ITGBL1: variants seen among roughly 807,000 people sequenced by gnomAD.
ITGBL1 encodes integrin beta-like protein 1.
Under a neutral mutation model 68.5 loss-of-function variants are expected in ITGBL1, and 51 were observed. The observed-to-expected ratio is 0.74, with a 90% CI of 0.59 to 0.94. ITGBL1 has a LOEUF of 0.94. Ranked by LOEUF, ITGBL1 falls within the 40% of genes least tolerant of loss-of-function variation. The probability of loss-of-function intolerance (pLI) is 0.00; values close to 1 mark genes in which losing one functional copy is unlikely to be tolerated. For synonymous variants in ITGBL1, 209 were observed against 227.3 expected, an observed-to-expected ratio of 0.92 and a Z score of 0.72; for missense variants, 649 against 647.4, an observed-to-expected ratio of 1.00 and a Z score of -0.03.
Position 101,570,254 on chromosome 13 carries a change from A to G in ITGBL1, c.463+2409A>G, listed in dbSNP as rs991432954. Among the ~76,000 whole-genome samples the G allele has an allele frequency of 6.6e-5, 10 of 152,180 alleles. 1 individual carries two copies. Among genetic ancestry groups the G allele is most frequent in the South Asian group, 4.1e-4 (2 of 4,836 alleles). Reference sequence around the variant, plus strand: ...GTGCACAGAGTTTTCCAGATTAGGTATTAAAGCCCATCAGGCTAGCTTTTG... The same window carrying G: ...GTGCACAGAGTTTTCCAGATTAGGTGTTAAAGCCCATCAGGCTAGCTTTTG... On this transcript the variant is annotated intron_variant, in intron 3 of 10. Transcript: ENST00000376180.
intron 2 of ITGBL1, among the ~76,000 whole-genome samples, chr13:101,538,501 G>A (rs947546337): frequency 4.6e-5 from 7 of 152,080 alleles, no homozygotes; most frequent in Admixed American, 3.9e-4. Context: ...AGAACTATAA[G>A]GCCATATCTA....
At chr13:101,705,519 G>A (rs1000584054) in intron 8 of ITGBL1, among the ~76,000 whole-genome samples, 1 of 151,474 alleles carries the variant, frequency 6.6e-6, no homozygotes, top group Admixed American at 6.6e-5. Context: ...GTCTGCACAC[G>A]TTCATGCTCT....
At chr13:101,515,980 C>T (rs1362034055) in intron 2 of ITGBL1, among the ~76,000 whole-genome samples, 5 of 152,058 alleles carry the variant, frequency 3.3e-5, no homozygotes, top group African/African-American at 7.2e-5. Context: ...ATTATACACC[C>T]ACACCTAGAT....
chr13:101,510,992 C>G (rs56066406), intron 2 of ITGBL1, among the ~76,000 whole-genome samples: 16,115 of 151,862 alleles, frequency 0.11, 1,499 homozygotes, highest in African/African-American at 0.25. Context: ...AGAAGAAGCT[C>G]TTTAGTTTAA....
At chr13:101,489,894 G>T in intron 2 of ITGBL1, 3 of 1,019,088 alleles carry the variant, frequency 2.9e-6, no homozygotes, top group Non-Finnish European at 4.4e-6. Context: ...GTGGACTAAA[G>T]GTTAGTGTGA....
At chr13:101,693,624 G>GTCTGTCTATCTATCTA (rs71780453) in intron 8 of ITGBL1, among the ~76,000 whole-genome samples, 281 of 146,178 alleles carry the variant, frequency 1.9e-3, no homozygotes, top group Non-Finnish European at 2.4e-3. Flanking sequence ...CTGTCTGTCT[G>GTCTGTCTATCTATCTA]TCTATCTATC....
intron 7 of ITGBL1, among the ~76,000 whole-genome samples, chr13:101,645,788 G>C (rs1489764378): frequency 1.3e-5 from 2 of 152,232 alleles, no homozygotes; most frequent in Non-Finnish European, 2.9e-5. Context: ...ACGTGGGTAA[G>C]GAGACTGAGT....
At chr13:101,533,088 T>C (rs745962487) in intron 2 of ITGBL1, among the ~76,000 whole-genome samples, 2 of 152,192 alleles carry the variant, frequency 1.3e-5, no homozygotes, top group African/African-American at 2.4e-5. Flanking sequence ...ACTTTAATGA[T>C]ATTAATTTTA....
intron 2 of ITGBL1, among the ~76,000 whole-genome samples, chr13:101,541,984 T>C (rs2049714293): frequency 6.6e-6 from 1 of 152,208 alleles, no homozygotes; most frequent in Admixed American, 6.5e-5. Context: ...CTATCAATTT[T>C]GTTGATCTTT....
chr13:101,678,524 G>C (rs2033561823), intron 7 of ITGBL1, among the ~76,000 whole-genome samples: 1 of 149,262 alleles, frequency 6.7e-6, no homozygotes, highest in African/African-American at 2.5e-5. Flanking sequence ...TTTTGAGATG[G>C]AGTCTCATTC....
chr13:101,706,313 A>G (rs1157563279), intron 8 of ITGBL1, among the ~76,000 whole-genome samples: 4 of 152,216 alleles, frequency 2.6e-5, no homozygotes, highest in Non-Finnish European at 5.9e-5. Context: ...TGCCATTTGT[A>G]TGAAAGTTAC....
At chr13:101,456,072 T>C (rs561237908) in intron 2 of ITGBL1, among the ~76,000 whole-genome samples, 3 of 152,270 alleles carry the variant, frequency 2.0e-5, no homozygotes, top group South Asian at 4.2e-4. Flanking sequence ...GAAAATGATA[T>C]GTTGTTTACT....
intron 7 of ITGBL1, among the ~76,000 whole-genome samples, chr13:101,674,162 G>GC: frequency 6.6e-6 from 1 of 152,218 alleles, no homozygotes; most frequent in East Asian, 1.9e-4. Context: ...CAAAGCCATT[G>GC]CAACCTAATA....
At chr13:101,692,796 A>G (rs2033911383) in intron 8 of ITGBL1, 95 bp downstream of exon 8, 1 of 797,316 alleles carries the variant, frequency 1.3e-6, no homozygotes, top group East Asian at 2.4e-5. Context: ...AATTGCTGTT[A>G]AAAATAAGAT....
intron 7 of ITGBL1, among the ~76,000 whole-genome samples, chr13:101,672,555 A>T (rs184107956): frequency 3.3e-5 from 5 of 152,220 alleles, no homozygotes; most frequent in Non-Finnish European, 7.4e-5. Context: ...CATTTGCATA[A>T]TAAGATTAGG....
intron 9 of ITGBL1, among the ~76,000 whole-genome samples, chr13:101,708,342 C>G (rs1461011568): frequency 6.6e-6 from 1 of 152,142 alleles, no homozygotes; most frequent in East Asian, 1.9e-4. Context: ...CTCTTCAGCT[C>G]AGTATCCTCT....
At chr13:101,612,069 T>C (rs1265599740) in intron 7 of ITGBL1, among the ~76,000 whole-genome samples, 1 of 152,150 alleles carries the variant, frequency 6.6e-6, no homozygotes, top group Non-Finnish European at 1.5e-5. Flanking sequence ...AGATTTTGGT[T>C]CTCCATAAAT....
intron 7 of ITGBL1, among the ~76,000 whole-genome samples, chr13:101,670,290 C>T (rs2033325239): frequency 6.6e-6 from 1 of 152,192 alleles, no homozygotes; most frequent in Non-Finnish European, 1.5e-5. Context: ...ATTCTGGTAT[C>T]TTTTCATTGG....
intron 7 of ITGBL1, among the ~76,000 whole-genome samples, chr13:101,628,775 G>A (rs905168549): frequency 1.3e-5 from 2 of 151,446 alleles, no homozygotes; most frequent in South Asian, 4.2e-4. Context: ...ACATGATCTA[G>A]TATATGATGG....
Sources: gnomAD v4.1 joint callset for allele counts (sites outside exome capture counted in the v4.1 genomes callset) on GRCh38, gnomAD v4.1.1 for gene constraint, MANE v1.5 for transcripts, NCBI Gene and HGNC (gene_info 2026-07-23, HGNC 2026-07-21) for gene names.